The following CAND1 variants were observed in gnomAD, a reference collection of about 807,000 sequenced individuals.
CAND1 encodes cullin associated and neddylation dissociated 1.
In CAND1, 7 loss-of-function variants were observed where a neutral mutation model predicts 108.5. That is an observed-to-expected ratio of 0.06 (90% CI 0.04 to 0.12). CAND1 has a LOEUF of 0.12. Ranked by LOEUF, CAND1 falls within the 10% of genes least tolerant of loss-of-function variation. CAND1 has a pLI of 1.00. For missense variants in CAND1, 941 were observed against 1,448.7 expected (o/e 0.65, Z 5.69); for synonymous variants, 534 against 512.0 (o/e 1.04, Z -0.58).
chr12:67,289,546 C>T (rs1365228535), intron 2 of CAND1, among the ~76,000 whole-genome samples: 1 of 152,160 alleles, frequency 6.6e-6, no homozygotes, highest in Non-Finnish European at 1.5e-5. Context: ...GCCACCACAC[C>T]CAGCTAATTT....
rs1408005531 is a variant in CAND1, at chr12:67,281,897, A to G, written c.69-13A>G. The G allele has an allele frequency of 6.4e-7, 1 of 1,551,704 alleles. No homozygotes were observed. Among genetic ancestry groups the G allele is most frequent in the African/African-American group, 1.4e-5 (1 of 71,590 alleles). ...TAAAATTTTCAAATTAACAAATTTT[A>G]TTTTTTTGATAGGTTTATGGCTACA... is the stretch of plus-strand genomic sequence containing the variant. On this transcript the variant is annotated splice_polypyrimidine_tract_variant and intron_variant, in intron 1 of 14. Coordinates refer to ENST00000545606, the MANE Select transcript of CAND1 (RefSeq NM_018448.5).
chr12:67,281,119 A>G (rs1017759677), intron 1 of CAND1, among the ~76,000 whole-genome samples: 1 of 150,418 alleles, frequency 6.6e-6, no homozygotes, highest in African/African-American at 2.4e-5. Flanking sequence ...CTTATAAATT[A>G]TAATTATTAT....
intron 7 of CAND1, 124 bp downstream of exon 7, chr12:67,299,219 C>T (rs2044799828): frequency 3.3e-6 from 3 of 909,222 alleles, no homozygotes; most frequent in Non-Finnish European, 4.7e-6. Context: ...GAAATGATCT[C>T]AATATTTGAC....
At chr12:67,281,599 G>A (rs1416107543) in intron 1 of CAND1, among the ~76,000 whole-genome samples, 1 of 152,150 alleles carries the variant, frequency 6.6e-6, no homozygotes, top group Non-Finnish European at 1.5e-5. Flanking sequence ...TGTAGGTCCT[G>A]GTAGTCAATT....
In CAND1 at chr12:67,305,835, T is replaced by C. The variant is rs1020765064; in HGVS notation, c.2167T>C (p.Tyr723His). 2 of 1,614,234 alleles carry C rather than the reference T, an allele frequency of 1.2e-6. No homozygotes were observed. The highest frequency in any genetic ancestry group is 3.3e-5 in the Admixed American group (2 of 60,024). ...TTTTCTTACCACTTTGGCAAAAGTATATCCCTCCTCCCTTTCAAAGATAAG... is the reference window on the plus strand; with the variant it reads ...TTTTCTTACCACTTTGGCAAAAGTACATCCCTCCTCCCTTTCAAAGATAAG... The part of the protein sequence containing the change: ...ISFLTTLAKV[Y>H]PSSLSKISGS... Residue 723 changes from tyrosine to histidine, a missense_variant, in exon 10 of 15, where the codon TAT (tyrosine) becomes CAT (histidine). Physicochemically the swap from Tyr to His is moderately conservative, Grantham distance 83. Around this residue, in one of 9 missense-constraint regions of CAND1, gnomAD observed 697 missense variants for 942.0 expected, o/e 0.74. Transcript: ENST00000545606. The surrounding 1 kb of genome is among the most constrained non-coding windows in gnomAD (Gnocchi z 4.4).
Position 67,269,662 on chromosome 12 carries a change from A to AGC in CAND1, c.-54_-53dup. The AGC allele has an allele frequency of 6.7e-7, 1 of 1,483,834 alleles. No homozygotes were observed. The highest frequency in any genetic ancestry group is 1.8e-5 in the Admixed American group (1 of 55,652). 91.9% of individuals were successfully genotyped at this position (1,483,834 alleles called of 1,614,324 possible). ...CTCCAGTGGCGGCGGCGGCGGCGGC[A>AGC]GCGGCAGCGGGCAGCAGCTCCAGCA... is the stretch of plus-strand genomic sequence containing the variant. On this transcript the variant is annotated 5_prime_UTR_variant, in exon 1 of 15. Coordinates refer to ENST00000545606, the MANE Select transcript of CAND1 (RefSeq NM_018448.5).
intron 11 of CAND1, 86 bp downstream of exon 11, chr12:67,307,578 G>A: frequency 1.3e-6 from 1 of 798,076 alleles, no homozygotes; most frequent in Non-Finnish European, 2.1e-6. Context: ...GAAATATCGA[G>A]GAATTAAAAT....
rs1180907656 is a variant in CAND1, at chr12:67,302,345, T to C, written c.1023T>C (p.Asp341=). Residue 341 remains aspartate, a synonymous_variant, in exon 8 of 15, where the codon GAT becomes GAC. Coordinates refer to ENST00000545606, the MANE Select transcript of CAND1 (RefSeq NM_018448.5). ...DDQGSDDEYS[D]DDDMSWKVRR... is the part of the protein sequence containing the mutation. Reference sequence around the variant, plus strand: ...TAGGGAGTGATGATGAATACAGTGATGATGATGACATGAGTTGGAAAGTGA... The same window carrying C: ...TAGGGAGTGATGATGAATACAGTGACGATGATGACATGAGTTGGAAAGTGA... 1 of 1,613,798 alleles carries C rather than the reference T, an allele frequency of 6.2e-7. No individual in the cohort carries two copies. Among genetic ancestry groups the C allele is most frequent in the Admixed American group, 1.7e-5 (1 of 60,018 alleles).
At chr12:67,273,358 C>T (rs1403674277) in intron 1 of CAND1, among the ~76,000 whole-genome samples, 2 of 151,798 alleles carry the variant, frequency 1.3e-5, no homozygotes, top group Admixed American at 1.3e-4. Context: ...ATAATGTAGC[C>T]AATAGATAGG....
intron 14 of CAND1, 77 bp from the exon 15 acceptor site, chr12:67,312,529 G>C (rs1278059769): frequency 1.2e-6 from 1 of 866,686 alleles, no homozygotes; most frequent in East Asian, 2.7e-5. Flanking sequence ...TTAGCAGGAA[G>C]ATCTTATGTG....
At chr12:67,297,241 G>A (rs1413248398) in intron 4 of CAND1, 166 bp from the exon 5 acceptor site, 1 of 718,908 alleles carries the variant, frequency 1.4e-6, no homozygotes, top group Admixed American at 2.1e-5. Flanking sequence ...GGTTTCAGTT[G>A]CATTGGTAGA....
At chr12:67,269,922 C>A in intron 1 of CAND1, 137 bp downstream of exon 1, 1 of 648,058 alleles carries the variant, frequency 1.5e-6, no homozygotes, top group Non-Finnish European at 2.6e-6. Flanking sequence ...CACCGGTCCG[C>A]TGGCCTCCCG....
At chr12:67,280,361 AGT>A (rs2044608316) in intron 1 of CAND1, among the ~76,000 whole-genome samples, 1 of 152,234 alleles carries the variant, frequency 6.6e-6, no homozygotes, top group Non-Finnish European at 1.5e-5. Flanking sequence ...TAAATTATTA[AGT>A]TGTTTTGCCA....
chr12:67,269,875 C>G, intron 1 of CAND1, 90 bp downstream of exon 1: 1 of 1,128,488 alleles, frequency 8.9e-7, no homozygotes. Context: ...CCCCTTCGGC[C>G]GTAGCCGGTA....
At chr12:67,281,214 C>T (rs957207401) in intron 1 of CAND1, among the ~76,000 whole-genome samples, 2 of 151,512 alleles carry the variant, frequency 1.3e-5, no homozygotes, top group Non-Finnish European at 2.9e-5. Flanking sequence ...CCTGTAATCC[C>T]AACTACTTGA....
chr12:67,288,875 T>C (rs1487785771), intron 2 of CAND1, among the ~76,000 whole-genome samples: 2 of 152,126 alleles, frequency 1.3e-5, no homozygotes, highest in Non-Finnish European at 1.5e-5. Flanking sequence ...GGTCAGAGAG[T>C]CTTTGTCAAT....
In CAND1 at chr12:67,313,962, A is replaced by G. The variant is rs1322722448; in HGVS notation, c.*1132A>G. 1.3e-5 allele frequency: 2 copies of G among 152,564 alleles called. No homozygotes were observed. The highest frequency in any genetic ancestry group is 1.5e-5 in the Non-Finnish European group (1 of 67,996). 9.5% of individuals were successfully genotyped at this position (152,564 alleles called of 1,614,324 possible). A position where few individuals can be genotyped will look rare whatever the true frequency, so the allele number is the denominator to read the frequency against. ...ATATTGTATTGGGTAAGTGTTCACT[A>G]CTTTTCCTGATTAAGGGATCTGTGC... On this transcript the variant is annotated 3_prime_UTR_variant, in exon 15 of 15. Coordinates refer to ENST00000545606, the MANE Select transcript of CAND1 (RefSeq NM_018448.5).
intron 13 of CAND1, 57 bp downstream of exon 13, chr12:67,310,373 C>A: frequency 1.6e-6 from 2 of 1,249,800 alleles, no homozygotes; most frequent in Non-Finnish European, 2.3e-6. Flanking sequence ...GCTAGAGCAA[C>A]TTTCACCCTT....
intron 8 of CAND1, among the ~76,000 whole-genome samples, chr12:67,304,076 G>A (rs710629): frequency 0.56 from 82,975 of 148,922 alleles, 24,098 homozygotes; most frequent in Non-Finnish European, 0.65. Flanking sequence ...TGCAACCTCC[G>A]CCTCCTGGGT....
Sources: allele counts gnomAD v4.1 joint callset (sites outside exome capture counted in the v4.1 genomes callset), GRCh38; gene constraint gnomAD v4.1.1; regional missense constraint gnomAD v4.1.1; non-coding constraint Gnocchi (gnomAD v3.1); transcripts MANE v1.5; gene names NCBI Gene and HGNC (gene_info 2026-07-23, HGNC 2026-07-21).